The following AKAP13 variants were observed in gnomAD, a reference collection of about 807,000 sequenced individuals.
AKAP13 encodes A-kinase anchor protein 13.
A neutral mutation model predicts 264.5 loss-of-function variants in AKAP13; 80 were observed. The observed-to-expected ratio is 0.30, with a 90% confidence interval of 0.25 to 0.36. The LOEUF is 0.36. Among genes scored for constraint, AKAP13 ranks in the 10% least tolerant of loss-of-function variants. The pLI is 1.00. For synonymous variants in AKAP13, 1,380 were observed against 1,250.2 expected, an observed-to-expected ratio of 1.10 and a Z score of -2.19; for missense variants, 3,712 against 3,435.2, an observed-to-expected ratio of 1.08 and a Z score of -2.01.
intron 3 of AKAP13, among the ~76,000 whole-genome samples, chr15:85,527,209 C>G (rs536489627): frequency 6.6e-6 from 1 of 152,122 alleles, no homozygotes; most frequent in Non-Finnish European, 1.5e-5. Flanking sequence ...GTGATCCGCC[C>G]GCCTTGGCCT....
intron 1 of AKAP13, among the ~76,000 whole-genome samples, chr15:85,454,547 T>A (rs2150985190): frequency 6.6e-6 from 1 of 152,202 alleles, no homozygotes; most frequent in African/African-American, 2.4e-5. Flanking sequence ...CAGTTGAAGG[T>A]GTTGTATTTA....
chr15:85,504,523 A>G (rs867201982), intron 2 of AKAP13, among the ~76,000 whole-genome samples: 1 of 137,614 alleles, frequency 7.3e-6, no homozygotes, highest in Non-Finnish European at 1.6e-5. Context: ...AAAAAAAAAA[A>G]AAAAAAAAAA....
intron 5 of AKAP13, among the ~76,000 whole-genome samples, chr15:85,551,387 C>T (rs1009379147): frequency 1.3e-5 from 2 of 152,186 alleles, no homozygotes; most frequent in African/African-American, 4.8e-5. Context: ...CTCCCCAGCC[C>T]TTTGAAGGTG....
intron 5 of AKAP13, among the ~76,000 whole-genome samples, chr15:85,569,365 C>A (rs1444363471): frequency 6.6e-6 from 1 of 151,474 alleles, no homozygotes; most frequent in Non-Finnish European, 1.5e-5. Context: ...CCAGGGAAAA[C>A]AGTAGATGTA....
At chr15:85,738,220 A>C (rs1415746681) in intron 33 of AKAP13, among the ~76,000 whole-genome samples, 1 of 151,852 alleles carries the variant, frequency 6.6e-6, no homozygotes, top group Non-Finnish European at 1.5e-5. Context: ...TAACATGGTG[A>C]AACCCTGTCT....
At chr15:85,500,826 G>C (rs2076019643) in intron 2 of AKAP13, among the ~76,000 whole-genome samples, 1 of 152,144 alleles carries the variant, frequency 6.6e-6, no homozygotes, top group African/African-American at 2.4e-5. Flanking sequence ...TATTGGCTCT[G>C]GTGTCTTTGG....
intron 1 of AKAP13, among the ~76,000 whole-genome samples, chr15:85,459,352 ATTTTTTTTTTTT>A (rs557848037): frequency 2.3e-5 from 3 of 130,592 alleles, no homozygotes. Context: ...CGCCCGGCTA[ATTTTTTTTTTTT>A]TTTTTTGTAT....
In AKAP13 at chr15:85,715,873, C is replaced by A; in HGVS notation, c.5685C>A (p.Ser1895=). 1.2e-6 allele frequency: 2 copies of A among 1,613,352 alleles called. No homozygotes were observed. The highest frequency in any genetic ancestry group is 1.7e-6 in the Non-Finnish European group (2 of 1,179,878). ...CCCCAATATTTGCCAATAGACGATC[C>A]CAGCAGAGTGTCTCGCTCTCCAAAA... is the stretch of plus-strand genomic sequence containing the variant. The part of the protein sequence containing the change: ...ATTPIFANRR[S]QQSVSLSKSV... The change falls in exon 20 of 37, where the codon TCC becomes TCA. Residue 1895 remains serine (S), a synonymous_variant. Transcript: ENST00000394518.
chr15:85,594,902 A>G (rs1440576269), intron 8 of AKAP13, among the ~76,000 whole-genome samples: 2 of 152,200 alleles, frequency 1.3e-5, no homozygotes, highest in East Asian at 1.9e-4. Flanking sequence ...GGAGTTGTCC[A>G]CTATATATGG....
At chr15:85,439,913 A>G (rs2073551426) in intron 1 of AKAP13, among the ~76,000 whole-genome samples, 2 of 151,466 alleles carry the variant, frequency 1.3e-5, no homozygotes, top group African/African-American at 4.9e-5. Flanking sequence ...TGGCACATGT[A>G]TACATATGTA....
At chr15:85,546,799 A>AGTG (rs2077763799) in intron 5 of AKAP13, among the ~76,000 whole-genome samples, 3 of 147,218 alleles carry the variant, frequency 2.0e-5, no homozygotes, top group African/African-American at 7.6e-5. Flanking sequence ...GCTGGAGTGC[A>AGTG]GTGGCACGAT....
rs373256135 is a variant in AKAP13 at position 85,675,734 on chromosome 15, C to T, written c.5101+5904C>T. 5.9e-5 allele frequency among the ~76,000 whole-genome samples: 9 copies of T among 152,078 alleles called. No homozygotes were observed. The South Asian group carries it at 6.2e-4, about 11-fold the overall frequency. ...GGAAAAGTAATATTAAAGTTTGGAC[C>T]AGAAGGAAACTGGGAATTAGCTGGG... On this transcript the variant is annotated intron_variant, in intron 14 of 36. Transcript: ENST00000394518.
chr15:85,437,350 T>A (rs1053888904), intron 1 of AKAP13, among the ~76,000 whole-genome samples: 3 of 151,626 alleles, frequency 2.0e-5, no homozygotes, highest in African/African-American at 2.4e-5. Flanking sequence ...CCAAAAAGAG[T>A]CCAGGACCAG....
At chr15:85,465,582 A>G (rs1208848757) in intron 1 of AKAP13, among the ~76,000 whole-genome samples, 3 of 143,442 alleles carry the variant, frequency 2.1e-5, no homozygotes. Context: ...GTTCCCACCT[A>G]TGAGTGAGAA....
chr15:85,519,694 G>A (rs971134941), intron 2 of AKAP13, among the ~76,000 whole-genome samples: 2 of 152,178 alleles, frequency 1.3e-5, no homozygotes, highest in Non-Finnish European at 2.9e-5. Flanking sequence ...ATATTCCTTG[G>A]ATTAGGATAC....
chr15:85,461,985 A>G (rs2074537308), intron 1 of AKAP13, among the ~76,000 whole-genome samples: 1 of 152,230 alleles, frequency 6.6e-6, no homozygotes, highest in African/African-American at 2.4e-5. Context: ...TAAATCTTAT[A>G]TGAATACCAG....
intron 8 of AKAP13, among the ~76,000 whole-genome samples, chr15:85,589,787 G>A (rs1366411077): frequency 2.0e-5 from 3 of 150,000 alleles, no homozygotes; most frequent in Admixed American, 6.7e-5. Flanking sequence ...ACTGGCAATA[G>A]CATGTGAGCC....
intron 30 of AKAP13, among the ~76,000 whole-genome samples, chr15:85,732,468 A>G (rs887100233): frequency 2.0e-4 from 30 of 149,496 alleles, no homozygotes; most frequent in African/African-American, 7.3e-4. Flanking sequence ...ATAATATAAC[A>G]TTATATGTTT....
chr15:85,472,479 T>A (rs2074997613), intron 1 of AKAP13, among the ~76,000 whole-genome samples: 1 of 152,208 alleles, frequency 6.6e-6, no homozygotes, highest in Non-Finnish European at 1.5e-5. Flanking sequence ...ATTCCCTGAA[T>A]TTCAACTTTT....
Sources: gnomAD v4.1 joint callset for allele counts (sites outside exome capture counted in the v4.1 genomes callset) on GRCh38, gnomAD v4.1.1 for gene constraint, MANE v1.5 for transcripts, NCBI Gene and HGNC (gene_info 2026-07-23, HGNC 2026-07-21) for gene names.